The following PARD3B variants were observed in gnomAD, a reference collection of about 807,000 sequenced individuals.
PARD3B encodes the protein partitioning defective 3 homolog B.
PARD3B carries 103 observed loss-of-function variants against 130.2 expected under a neutral mutation model. The observed-to-expected ratio is 0.79, with a 90% CI of 0.67 to 0.93. PARD3B has a LOEUF of 0.93. Ranked by LOEUF, PARD3B falls within the 40% of genes least tolerant of loss-of-function variation. The pLI is 0.00. For missense variants in PARD3B, 1,609 were observed against 1,499.2 expected (o/e 1.07, Z -1.21); for synonymous variants, 583 against 553.2 (o/e 1.05, Z -0.76).
chr2:205,122,059 C>A lies in PARD3B; in HGVS notation c.1165+110C>A. On this transcript the variant is annotated intron_variant, in intron 8 of 22. Transcript: ENST00000406610. The surrounding 1 kb of genome is among the most constrained non-coding windows in gnomAD (Gnocchi z 4.3). ...TAATTCTCCCTTCATTTAATTGTAT[C>A]AAAGAATAGATTTAAGTGTATACTT... 1 of 943,520 alleles carries A rather than the reference C, an allele frequency of 1.1e-6. No individual in the cohort carries two copies. Among genetic ancestry groups the A allele is most frequent in the Non-Finnish European group, 1.5e-6 (1 of 647,448 alleles). The allele number at this position is 943,520 out of a possible 1,614,324, so 58.4% of individuals were successfully genotyped here.
intron 14 of PARD3B, 143 bp from the exon 15 acceptor site, chr2:205,193,062 C>A: frequency 3.3e-6 from 2 of 599,536 alleles, no homozygotes; most frequent in Admixed American, 3.0e-5. Context: ...TAAAAGAAAC[C>A]TGAGATTTAA....
intron 3 of PARD3B, among the ~76,000 whole-genome samples, chr2:205,018,545 C>A (rs1696333237): frequency 6.6e-6 from 1 of 151,752 alleles, no homozygotes; most frequent in Non-Finnish European, 1.5e-5. Flanking sequence ...CCAAGGATTC[C>A]AGAAACATTT....
At chr2:204,945,049 A>C (rs1349975159) in intron 2 of PARD3B, among the ~76,000 whole-genome samples, 1 of 152,200 alleles carries the variant, frequency 6.6e-6, no homozygotes, top group East Asian at 1.9e-4. Flanking sequence ...ATTTTTGCAT[A>C]GTGTGTCTGT....
intron 22 of PARD3B, among the ~76,000 whole-genome samples, chr2:205,602,290 G>A (rs982607510): frequency 6.6e-6 from 1 of 152,216 alleles, no homozygotes; most frequent in Non-Finnish European, 1.5e-5. Context: ...GTATTTTAAT[G>A]AGGATTTTTG....
intron 2 of PARD3B, among the ~76,000 whole-genome samples, chr2:204,916,484 A>T (rs1391162460): frequency 3.3e-5 from 5 of 152,224 alleles, no homozygotes; most frequent in Admixed American, 6.5e-5. Context: ...AGAACAGTCC[A>T]ATTTATATGG....
intron 14 of PARD3B, among the ~76,000 whole-genome samples, chr2:205,188,353 G>A (rs1462525922): frequency 6.6e-6 from 1 of 152,208 alleles, no homozygotes; most frequent in East Asian, 1.9e-4. Flanking sequence ...GGCATTGTCT[G>A]TCCTGCTCCA....
At chr2:205,254,053 GAC>G (rs959613535) in intron 16 of PARD3B, among the ~76,000 whole-genome samples, 2 of 119,814 alleles carry the variant, frequency 1.7e-5, no homozygotes, top group Non-Finnish European at 3.2e-5. Context: ...CACGTTGGAA[GAC>G]ACACAGAGTG....
chr2:204,659,963 A>T (rs2035749220), intron 1 of PARD3B, among the ~76,000 whole-genome samples: 1 of 152,156 alleles, frequency 6.6e-6, no homozygotes, highest in Non-Finnish European at 1.5e-5. Context: ...CTAAGATTGG[A>T]AGACTTTGAG....
intron 4 of PARD3B, among the ~76,000 whole-genome samples, chr2:205,100,960 C>T (rs1702738732): frequency 6.6e-6 from 1 of 152,080 alleles, no homozygotes; most frequent in Non-Finnish European, 1.5e-5. Context: ...AAACCAAAAA[C>T]ACAAGCTACA....
chr2:204,813,465 G>C (rs1200140521), intron 2 of PARD3B, among the ~76,000 whole-genome samples: 1 of 151,928 alleles, frequency 6.6e-6, no homozygotes, highest in African/African-American at 2.4e-5. Context: ...CTTTCTTCAG[G>C]CTGTGGATTA....
intron 21 of PARD3B, among the ~76,000 whole-genome samples, chr2:205,501,351 A>G (rs1254795084): frequency 2.0e-5 from 3 of 152,166 alleles, no homozygotes; most frequent in African/African-American, 7.2e-5. Context: ...GTCTTATTAT[A>G]GATGTTAGGA....
At chr2:204,767,270 A>G (rs1177092748) in intron 2 of PARD3B, among the ~76,000 whole-genome samples, 1 of 31,736 alleles carries the variant, frequency 3.2e-5, no homozygotes, top group Non-Finnish European at 6.2e-5. Context: ...TGTTCTTGCG[A>G]TAGTTTACTG....
At chr2:205,399,395 C>T (rs889378468) in intron 18 of PARD3B, among the ~76,000 whole-genome samples, 1 of 152,052 alleles carries the variant, frequency 6.6e-6, no homozygotes, top group African/African-American at 2.4e-5. Context: ...CACTATGTCA[C>T]CCAGGCTGGG....
intron 3 of PARD3B, among the ~76,000 whole-genome samples, chr2:204,975,429 G>GCATC (rs570351037): frequency 6.8e-4 from 104 of 152,240 alleles, no homozygotes; most frequent in Middle Eastern, 3.4e-3. Flanking sequence ...AAATGTCTAT[G>GCATC]CATCCATCCA....
At chr2:204,550,691 GAAT>G (rs1272715558) in intron 1 of PARD3B, among the ~76,000 whole-genome samples, 3 of 152,146 alleles carry the variant, frequency 2.0e-5, no homozygotes, top group Non-Finnish European at 4.4e-5. Context: ...CAGATATTTT[GAAT>G]AATATGTTTG....
chr2:204,587,464 G>T lies in PARD3B; in HGVS notation c.120+41345G>T, dbSNP rs565916238. On this transcript the variant is annotated intron_variant, in intron 1 of 22. Coordinates refer to ENST00000406610, the MANE Select transcript of PARD3B (RefSeq NM_001302769.2). ...TGTTGGTAGTCACTTTCACTTTGGA[G>T]CTCTTCTATAATCGAAATATGAAGA... is the stretch of plus-strand genomic sequence containing the variant. Among the ~76,000 whole-genome samples the T allele has an allele frequency of 5.9e-5, 9 of 152,258 alleles. No homozygotes were observed. In the South Asian group the frequency reaches 1.2e-3, roughly 21 times the overall value.
chr2:205,480,600 T>C (rs1575125127), intron 20 of PARD3B, among the ~76,000 whole-genome samples: 1 of 152,288 alleles, frequency 6.6e-6, no homozygotes, highest in South Asian at 2.1e-4. Flanking sequence ...GCTCAATAAA[T>C]ATTTGCAAAA....
At chr2:205,150,245 GTGTGTGTGCA>G (rs1231527059) in intron 10 of PARD3B, among the ~76,000 whole-genome samples, 3 of 131,712 alleles carry the variant, frequency 2.3e-5, no homozygotes, top group Non-Finnish European at 5.0e-5. Context: ...GTGTGTGTGT[GTGTGTGTGCA>G]CACACGCTTG....
chr2:205,307,628 G>T (rs2042232363), intron 18 of PARD3B, among the ~76,000 whole-genome samples: 1 of 152,202 alleles, frequency 6.6e-6, no homozygotes, highest in East Asian at 1.9e-4. Flanking sequence ...CCTTCCTGGG[G>T]CCTAGCAGAT....
Sources: allele counts gnomAD v4.1 joint callset (sites outside exome capture counted in the v4.1 genomes callset), GRCh38; gene constraint gnomAD v4.1.1; non-coding constraint Gnocchi (gnomAD v3.1); transcripts MANE v1.5; gene names NCBI Gene and HGNC (gene_info 2026-07-23, HGNC 2026-07-21).